Variants in PTPN21 observed in about 807,000 individuals in gnomAD.
PTPN21 encodes the protein protein tyrosine phosphatase non-receptor type 21, also known as tyrosine-protein phosphatase non-receptor type 21.
PTPN21 carries 77 observed loss-of-function variants against 131.8 expected under a neutral mutation model. The observed-to-expected ratio is 0.58, with a 90% CI of 0.49 to 0.71. The LOEUF (loss-of-function observed/expected upper bound fraction) is 0.71, where lower values mean the gene tolerates loss of function less well. PTPN21 is among the 30% of genes least tolerant of loss of function. The pLI, the probability that PTPN21 is intolerant of heterozygous loss-of-function variation, is 0.00. For synonymous variants in PTPN21, 715 were observed against 621.3 expected, an observed-to-expected ratio of 1.15 and a Z score of -2.24; for missense variants, 1,552 against 1,527.1, an observed-to-expected ratio of 1.02 and a Z score of -0.27.
chr14:88,494,164 G>A (rs971576776), intron 10 of PTPN21, among the ~76,000 whole-genome samples: 1 of 152,146 alleles, frequency 6.6e-6, no homozygotes, highest in Non-Finnish European at 1.5e-5. Context: ...CTCTGAAGAG[G>A]GTCATATCTG....
chr14:88,469,546 G>C lies in PTPN21; in HGVS notation c.3188C>G (p.Thr1063Arg). 2 of 1,614,168 alleles carry C rather than the reference G, an allele frequency of 1.2e-6. No individual in the cohort carries two copies. Among genetic ancestry groups the C allele is most frequent in the East Asian group, 2.2e-5 (1 of 44,886 alleles). ...QERTVWHLQY[T>R]DWPEHGCPED... is the part of the protein sequence containing the mutation. ...TGGACAGCCATGTTCAGGCCAGTCT[G>C]TGTATTGGAGGTGCCAGACGGTCCT... Residue 1063 changes from threonine to arginine, a missense_variant, in exon 17 of 19, where the codon ACA becomes AGA. Coordinates refer to ENST00000556564, the MANE Select transcript of PTPN21 (RefSeq NM_007039.4). The surrounding 1 kb of genome is among the most constrained non-coding windows in gnomAD (Gnocchi z 4.3).
In PTPN21 at chr14:88,469,637, G is replaced by A. The variant is rs762755679; in HGVS notation, c.3097C>T (p.Arg1033Cys). ...GTGGCATAGCAGCCAGAGTCTGTGC[G>A]GAACCGGGTCGTGATCTTAAACCTT... The part of the protein sequence containing the change: ...YGRFKITTRF[R>C]TDSGCYATTG... The change falls in exon 17 of 19, where the codon CGC (arginine) becomes TGC (cysteine). Residue 1033 changes from arginine (R) to cysteine (C), a missense_variant. Around this residue, in one of 4 missense-constraint regions of PTPN21, gnomAD observed 316 missense variants for 378.5 expected, o/e 0.83. Transcript: ENST00000556564. The surrounding 1 kb of genome is among the most constrained non-coding windows in gnomAD (Gnocchi z 4.3). The A allele has an allele frequency of 1.6e-5, 26 of 1,613,998 alleles. No homozygotes were observed. The highest frequency in any genetic ancestry group is 4.0e-5 in the African/African-American group (3 of 74,890).
rs140085673 is a variant in PTPN21, at chr14:88,481,113, T to C, written c.1079-761A>G. 1.1e-3 allele frequency among the ~76,000 whole-genome samples: 162 copies of C among 152,344 alleles called. 2 individuals carry two copies. The East Asian group carries it at 0.023, about 22-fold the overall frequency. On this transcript the variant is annotated intron_variant, in intron 12 of 18. Transcript: ENST00000556564. ...GCCCTCTGTTACTGAGGATGATTTCTAACCCTAGATGATTTCTAACACTCA... is the reference window on the plus strand; with the variant it reads ...GCCCTCTGTTACTGAGGATGATTTCCAACCCTAGATGATTTCTAACACTCA...
chr14:88,540,242 T>C (rs1249596134), intron 2 of PTPN21, among the ~76,000 whole-genome samples: 5 of 152,134 alleles, frequency 3.3e-5, no homozygotes, highest in Non-Finnish European at 7.4e-5. Context: ...AGTTAATGAG[T>C]GTCCTATGGA....
At chr14:88,525,918 A>C (rs2078467560) in intron 2 of PTPN21, among the ~76,000 whole-genome samples, 1 of 152,246 alleles carries the variant, frequency 6.6e-6, no homozygotes, top group Non-Finnish European at 1.5e-5. Flanking sequence ...ACATTCAAAA[A>C]TATTATGCTA....
chr14:88,517,543 T>G (rs2078292471), intron 2 of PTPN21, among the ~76,000 whole-genome samples: 1 of 151,870 alleles, frequency 6.6e-6, no homozygotes, highest in Non-Finnish European at 1.5e-5. Context: ...GACACTGGAA[T>G]GTAGTGGCGG....
At position 88,551,020 on chromosome 14, in the gene PTPN21, G is replaced by A. The variant is rs192775086; in HGVS notation, c.-202-401C>T. The stretch of plus-strand genomic sequence containing the variant: ...TCTTTAGTCCTTAAGTGAGAAAAGT[G>A]CCAAATGGCCCCAAAAGAGCTAGGT... On this transcript the variant is annotated intron_variant, in intron 1 of 18. Coordinates refer to ENST00000556564, the MANE Select transcript of PTPN21 (RefSeq NM_007039.4). Among the ~76,000 whole-genome samples the A allele has an allele frequency of 1.6e-3, 239 of 152,248 alleles. 1 individual carries two copies. The highest frequency in any genetic ancestry group is 5.6e-3 in the African/African-American group (231 of 41,532).
chr14:88,481,224 G>A (rs767979926), intron 12 of PTPN21, among the ~76,000 whole-genome samples: 4 of 152,192 alleles, frequency 2.6e-5, no homozygotes, highest in Non-Finnish European at 5.9e-5. Context: ...TGTGATCATG[G>A]TGATACTTAA....
chr14:88,538,604 T>C (rs1379972627), intron 2 of PTPN21, among the ~76,000 whole-genome samples: 1 of 152,182 alleles, frequency 6.6e-6, no homozygotes, highest in African/African-American at 2.4e-5. Flanking sequence ...TGATAACAAA[T>C]ATCTCCAGAG....
chr14:88,509,873 T>G (rs10150041), intron 3 of PTPN21, among the ~76,000 whole-genome samples: 52,688 of 151,870 alleles, frequency 0.35, 9,700 homozygotes, highest in African/African-American at 0.48. Context: ...CCATCTCTAC[T>G]AAAAATACAA....
chr14:88,512,804 A>G (rs1037615951), intron 3 of PTPN21, among the ~76,000 whole-genome samples: 1 of 152,186 alleles, frequency 6.6e-6, no homozygotes, highest in Admixed American at 6.6e-5. Context: ...GCAGACTGGA[A>G]GCTTGCTTTG....
At position 88,468,078 on chromosome 14, in the gene PTPN21, G is replaced by A. The variant is rs752943225; in HGVS notation, c.*59C>T. 6.3e-7 allele frequency: 1 copy of A among 1,577,224 alleles called. No individual in the cohort carries two copies. Among genetic ancestry groups the A allele is most frequent in the East Asian group, 2.2e-5 (1 of 44,632 alleles). Reference sequence around the variant, plus strand: ...ACGGGAAAGTATGAGTTAGGCAAGCGCTTTTTTTTTAAGCTGTAAACGCTT... The same window carrying A: ...ACGGGAAAGTATGAGTTAGGCAAGCACTTTTTTTTTAAGCTGTAAACGCTT... On this transcript the variant is annotated 3_prime_UTR_variant, in exon 19 of 19. Coordinates refer to ENST00000556564, the MANE Select transcript of PTPN21 (RefSeq NM_007039.4).
chr14:88,545,947 G>C lies in PTPN21; in HGVS notation c.180+4291C>G, dbSNP rs2052988. ...ACGGAGGTTGCAGTGAGCCGAGATC[G>C]CGCCACTGCACTCCAGCCTGGGCGA... On this transcript the variant is annotated intron_variant, in intron 2 of 18. Coordinates refer to ENST00000556564, the MANE Select transcript of PTPN21 (RefSeq NM_007039.4). Among the ~76,000 whole-genome samples, 75 of 147,790 alleles carry C rather than the reference G, an allele frequency of 5.1e-4. 1 individual carries two copies. The highest frequency in any genetic ancestry group is 1.9e-3 in the African/African-American group (73 of 38,762).
chr14:88,470,004 G>A lies in PTPN21; in HGVS notation c.2918C>T (p.Pro973Leu). The change falls in exon 16 of 19, where the codon CCA becomes CTA. Residue 973 changes from proline to leucine, a missense_variant. Around this residue, in one of 4 missense-constraint regions of PTPN21, gnomAD observed 316 missense variants for 378.5 expected, o/e 0.83. Transcript: ENST00000556564. ...IEWDYIATQG[P>L]LQNTCQDFWQ... ...AAAATCTTGACAGGTATTCTGTAAT[G>A]GTCCCTGTGTGGCAATATAATCCCA... The A allele has an allele frequency of 3.7e-6, 6 of 1,613,116 alleles. No individual in the cohort carries two copies. The highest frequency in any genetic ancestry group is 5.1e-6 in the Non-Finnish European group (6 of 1,179,136).
At chr14:88,520,878 CTA>C (rs1020761472) in intron 2 of PTPN21, among the ~76,000 whole-genome samples, 1 of 152,186 alleles carries the variant, frequency 6.6e-6, no homozygotes, top group African/African-American at 2.4e-5. Context: ...GAGTTGCACT[CTA>C]TCACTCAGGC....
At chr14:88,532,809 A>G (rs1026217288) in intron 2 of PTPN21, among the ~76,000 whole-genome samples, 1 of 152,214 alleles carries the variant, frequency 6.6e-6, no homozygotes, top group East Asian at 1.9e-4. Flanking sequence ...CCCCTTAAAT[A>G]GAATTTACAA....
chr14:88,528,228 T>C (rs1595403690), intron 2 of PTPN21, among the ~76,000 whole-genome samples: 2 of 152,206 alleles, frequency 1.3e-5, no homozygotes, highest in Non-Finnish European at 2.9e-5. Flanking sequence ...AATTTATATA[T>C]TGCTTTTGGC....
intron 8 of PTPN21, chr14:88,499,424 T>C (rs1231241541): frequency 6.6e-6 from 1 of 152,234 alleles, no homozygotes; most frequent in Non-Finnish European, 1.5e-5. Flanking sequence ...GTAGTGTGTG[T>C]GTTGTGGGGC....
At chr14:88,521,861 T>C (rs574928022) in intron 2 of PTPN21, among the ~76,000 whole-genome samples, 4 of 152,322 alleles carry the variant, frequency 2.6e-5, no homozygotes, top group African/African-American at 9.6e-5. Flanking sequence ...TTTGTGGTTG[T>C]ACCTTTTGTG....
Sources: allele counts gnomAD v4.1 joint callset (sites outside exome capture counted in the v4.1 genomes callset), GRCh38; gene constraint gnomAD v4.1.1; regional missense constraint gnomAD v4.1.1; non-coding constraint Gnocchi (gnomAD v3.1); transcripts MANE v1.5; gene names NCBI Gene and HGNC (gene_info 2026-07-23, HGNC 2026-07-21).